HUWE1: variants seen among roughly 807,000 people sequenced by gnomAD.
HUWE1 encodes the protein HECT, UBA and WWE domain containing E3 ubiquitin protein ligase 1.
A neutral mutation model predicts 299.4 loss-of-function variants in HUWE1; 18 were observed. The observed-to-expected ratio is 0.06, with a 90% CI of 0.04 to 0.09. The LOEUF is 0.09. Ranked by LOEUF, HUWE1 falls within the 10% of genes least tolerant of loss-of-function variation. HUWE1 has a pLI of 1.00. For synonymous variants in HUWE1, 1,317 were observed against 1,286.1 expected, an observed-to-expected ratio of 1.02 and a Z score of -0.51; for missense variants, 1,832 against 3,462.3, an observed-to-expected ratio of 0.53 and a Z score of 11.82.
Position 53,600,200 on chromosome X carries a change from AGGT to A in HUWE1, c.3078_3080del (p.Glu1026_Pro1027delinsAsp). The A allele has an allele frequency of 8.3e-7, 1 of 1,209,648 alleles. No homozygotes were observed. The highest frequency in any genetic ancestry group is 1.1e-6 in the Non-Finnish European group (1 of 893,350). On this transcript the variant is annotated inframe_deletion, in exon 29 of 84. Coordinates refer to ENST00000262854, the MANE Select transcript of HUWE1 (RefSeq NM_031407.7). ...ATTTGCCCTTAGAGTCTGAAGCAGT[AGGT>A]TCATCTGTCTCCATGGGAGCCAATG...
At chrX:53,627,559 ATATATTTT>A (rs782184709) in intron 16 of HUWE1, 44 bp from the exon 17 acceptor site, 2 of 759,671 alleles carry the variant, frequency 2.6e-6, no homozygotes, top group Non-Finnish European at 1.9e-6. Flanking sequence ...GTATATATAT[ATATATTTT>A]TTTTTTCAGG....
intron 3 of HUWE1, among the ~76,000 whole-genome samples, chrX:53,667,489 A>T (rs151190537): frequency 7.1e-4 from 79 of 111,491 alleles, no homozygotes; most frequent in Middle Eastern, 9.2e-3. Flanking sequence ...ATCATCTAAC[A>T]CAAAGCCCGT....
In HUWE1 at chrX:53,591,129, A is replaced by G. The variant is rs1556978545; in HGVS notation, c.3973-7T>C. On this transcript the variant is annotated splice_region_variant and splice_polypyrimidine_tract_variant and intron_variant, in intron 33 of 83. Coordinates refer to ENST00000262854, the MANE Select transcript of HUWE1 (RefSeq NM_031407.7). ...TGAAGCCCATGTCCATGAGCTACAT[A>G]AAGAATGCAAGGGCTCAGAATCACA... The G allele has an allele frequency of 2.5e-6, 3 of 1,208,974 alleles. No homozygotes were observed. The South Asian group carries it at 5.3e-5, about 21-fold the overall frequency.
intron 3 of HUWE1, among the ~76,000 whole-genome samples, chrX:53,670,725 C>A (rs1413516914): frequency 8.9e-6 from 1 of 111,798 alleles, no homozygotes; most frequent in Admixed American, 9.5e-5. Flanking sequence ...AAGCCGGGGC[C>A]TGGACTCCAG....
chrX:53,647,520 C>T lies in HUWE1; in HGVS notation c.199G>A (p.Asp67Asn), dbSNP rs963859042. ...ATATTCTCCACTGTCTGTCCAGCAT[C>T]TGCCAGTATTCCATCGAAGCGGTCC... ...LLDRFDGILADAGQTVENMSW... is the reference protein window; with the variant it reads ...LLDRFDGILANAGQTVENMSW... Residue 67 changes from aspartate to asparagine, a missense_variant, in exon 6 of 84, where the codon GAT (aspartate) becomes AAT (asparagine). Asp to Asn is a conservative substitution (Grantham distance 23). Around this residue, in one of 15 missense-constraint regions of HUWE1, gnomAD observed 658 missense variants for 1,282.6 expected, o/e 0.51. Transcript: ENST00000262854. The T allele has an allele frequency of 4.1e-6, 5 of 1,207,967 alleles. No individual in the cohort carries two copies. The Middle Eastern group carries it at 6.9e-4, about 166-fold the overall frequency.
rs782515406 is a variant in HUWE1, at chrX:53,562,195, T to C, written c.7254A>G (p.Glu2418=). 2 of 1,198,051 alleles carry C rather than the reference T, an allele frequency of 1.7e-6. No individual in the cohort carries two copies. The highest frequency in any genetic ancestry group is 3.5e-5 in the South Asian group (2 of 56,626). ...DPEDEEEHTQ[E]EDSSGSNEDE... The stretch of plus-strand genomic sequence containing the variant: ...CCTCGTTACTGCCACTGCTGTCCTC[T>C]TCCTGAGTGTGCTCCTCCTCATCCT... Residue 2418 remains glutamate (E), a synonymous_variant, in exon 54 of 84, where the codon GAA becomes GAG. Coordinates refer to ENST00000262854, the MANE Select transcript of HUWE1 (RefSeq NM_031407.7).
chrX:53,538,854 C>T lies in HUWE1; in HGVS notation c.11859G>A (p.Gln3953=). 8.3e-7 allele frequency: 1 copy of T among 1,206,269 alleles called. No homozygotes were observed. The highest frequency in any genetic ancestry group is 1.1e-6 in the Non-Finnish European group (1 of 892,678). The change falls in exon 76 of 84, where the codon CAG becomes CAA. Residue 3953 remains glutamine (Q), a synonymous_variant. Coordinates refer to ENST00000262854, the MANE Select transcript of HUWE1 (RefSeq NM_031407.7). ...HISSSLPPDT[Q]KFLRFAETHR... Reference sequence around the variant, plus strand: ...CTGTACCTGCAAAGCGAAGGAACTTCTGTGTGTCAGGGGGCAGGCTTGAGG... The same window carrying T: ...CTGTACCTGCAAAGCGAAGGAACTTTTGTGTGTCAGGGGGCAGGCTTGAGG...
At chrX:53,599,157 C>T (rs1556987694) in intron 29 of HUWE1, among the ~76,000 whole-genome samples, 1 of 112,140 alleles carries the variant, frequency 8.9e-6, no homozygotes, top group African/African-American at 3.2e-5. Flanking sequence ...ACTGGGTTCA[C>T]ACAGAAACCT....
At chrX:53,577,778 C>T (rs1327905977) in intron 43 of HUWE1, among the ~76,000 whole-genome samples, 4,418 of 65,617 alleles carry the variant, frequency 0.067, no homozygotes, top group Non-Finnish European at 0.08. Context: ...CCAGCCTCGG[C>T]CTCCCGAGGC....
At chrX:53,586,033 C>T (rs1244513598) in intron 39 of HUWE1, among the ~76,000 whole-genome samples, 1 of 112,027 alleles carries the variant, frequency 8.9e-6, no homozygotes, top group East Asian at 2.8e-4. Context: ...ATAGCAACAG[C>T]AAAACGGACT....
At chrX:53,624,487 A>T in intron 19 of HUWE1, 108 bp downstream of exon 19, 1 of 582,980 alleles carries the variant, frequency 1.7e-6, no homozygotes. Context: ...ATAGAGTGAG[A>T]CTCTGTCTCA....
rs1246988724 is a variant in HUWE1 at position 53,588,676 on chromosome X, T to C, written c.4462-142A>G. ...GTAGGTAAATCTAACATATTTACCA[T>C]AGGGATTTAGAATCTATATCAAAAG... On this transcript the variant is annotated intron_variant, in intron 36 of 83. Transcript: ENST00000262854. 5 of 566,128 alleles carry C rather than the reference T, an allele frequency of 8.8e-6. No individual in the cohort carries two copies. In the African/African-American group the frequency reaches 9.1e-5, roughly 10 times the overall value. The allele number at this position is 566,128 out of a possible 1,213,427, so 46.7% of individuals were successfully genotyped here.
chrX:53,566,078 T>A (rs1556945486), intron 49 of HUWE1, among the ~76,000 whole-genome samples: 1 of 101,548 alleles, frequency 9.8e-6, no homozygotes, highest in South Asian at 4.6e-4. Flanking sequence ...TATGTGTGTA[T>A]TTATGTGTGA....
intron 28 of HUWE1, among the ~76,000 whole-genome samples, chrX:53,601,698 C>T (rs781843580): frequency 2.1e-5 from 2 of 93,670 alleles, no homozygotes; most frequent in Admixed American, 1.3e-4. Flanking sequence ...GGCGGTGTTT[C>T]GCTCTTGTTG....
chrX:53,575,331 G>T, intron 45 of HUWE1, 110 bp from the exon 46 acceptor site: 1 of 598,149 alleles, frequency 1.7e-6, no homozygotes, highest in Non-Finnish European at 2.8e-6. Flanking sequence ...ATTCTCTTTG[G>T]CCAACCTTTT....
At chrX:53,660,829 TAC>T (rs1336773263) in intron 3 of HUWE1, among the ~76,000 whole-genome samples, 2 of 111,376 alleles carry the variant, frequency 1.8e-5, no homozygotes, top group African/African-American at 6.5e-5. Flanking sequence ...TTCCAAAGAA[TAC>T]AGTTTGAGAC....
intron 3 of HUWE1, among the ~76,000 whole-genome samples, chrX:53,678,700 T>C (rs1362253704): frequency 8.9e-6 from 1 of 112,106 alleles, no homozygotes; most frequent in Non-Finnish European, 1.9e-5. Context: ...TAGGTCTTAA[T>C]AGCTTAGAAG....
chrX:53,597,204 G>A (rs1262641044), intron 29 of HUWE1, among the ~76,000 whole-genome samples: 1 of 110,971 alleles, frequency 9.0e-6, no homozygotes, highest in African/African-American at 3.3e-5. Context: ...CAAGATAATA[G>A]GAGAAGCAGC....
At chrX:53,594,646 C>T (rs1556983121) in intron 30 of HUWE1, 25 bp from the exon 31 acceptor site, 1 of 1,202,555 alleles carries the variant, frequency 8.3e-7, no homozygotes, top group South Asian at 1.8e-5. Flanking sequence ...AAAGGCAAAA[C>T]TTTAACCTTC....
Sources: allele counts gnomAD v4.1 joint callset (sites outside exome capture counted in the v4.1 genomes callset), GRCh38; gene constraint gnomAD v4.1.1; regional missense constraint gnomAD v4.1.1; transcripts MANE v1.5; gene names NCBI Gene and HGNC (gene_info 2026-07-23, HGNC 2026-07-21).